ATP6V0A4: variants seen among roughly 807,000 people sequenced by gnomAD.
ATP6V0A4 encodes ATPase H+ transporting V0 subunit a4.
A neutral mutation model predicts 107.3 loss-of-function variants in ATP6V0A4; 86 were observed. That is an observed-to-expected ratio of 0.80 (90% CI 0.67 to 0.96). ATP6V0A4 has a LOEUF of 0.96. Ranked by LOEUF, ATP6V0A4 falls within the 40% of genes least tolerant of loss-of-function variation. The probability of loss-of-function intolerance (pLI) is 0.00; values close to 1 mark genes in which losing one functional copy is unlikely to be tolerated. For missense variants in ATP6V0A4, 908 were observed against 1,045.6 expected (o/e 0.87, Z 1.81); for synonymous variants, 353 against 381.4 (o/e 0.93, Z 0.87).
intron 11 of ATP6V0A4, among the ~76,000 whole-genome samples, chr7:138,752,002 G>A (rs184356802): frequency 1.3e-5 from 2 of 152,124 alleles, no homozygotes; most frequent in Admixed American, 6.5e-5. Flanking sequence ...GTCATAGCGA[G>A]GTCCCCATCT....
intron 15 of ATP6V0A4, among the ~76,000 whole-genome samples, chr7:138,737,137 T>C (rs1805377064): frequency 7.0e-6 from 1 of 142,700 alleles, no homozygotes; most frequent in Non-Finnish European, 1.5e-5. Flanking sequence ...TGATACAAAC[T>C]AACATAGGCA....
At chr7:138,762,170 C>A (rs112783370) in intron 7 of ATP6V0A4, among the ~76,000 whole-genome samples, 170 bp downstream of exon 7, 1 of 152,116 alleles carries the variant, frequency 6.6e-6, no homozygotes, top group Non-Finnish European at 1.5e-5. Flanking sequence ...GACACCACTT[C>A]CGACTCCACC....
At chr7:138,743,467 A>AG (rs1458408965) in intron 14 of ATP6V0A4, among the ~76,000 whole-genome samples, 1 of 150,360 alleles carries the variant, frequency 6.7e-6, no homozygotes, top group Non-Finnish European at 1.5e-5. Flanking sequence ...CAAAAAAAAA[A>AG]AAAGAAAAAG....
At chr7:138,772,397 T>TC (rs1355672266) in intron 2 of ATP6V0A4, among the ~76,000 whole-genome samples, 1 of 152,102 alleles carries the variant, frequency 6.6e-6, no homozygotes, top group Non-Finnish European at 1.5e-5. Flanking sequence ...CCCTGTGCAG[T>TC]CAGCAGGAAT....
chr7:138,778,647 A>C (rs1261494589), intron 2 of ATP6V0A4, among the ~76,000 whole-genome samples: 1 of 152,158 alleles, frequency 6.6e-6, no homozygotes, highest in Non-Finnish European at 1.5e-5. Context: ...GCCAAGAAAG[A>C]AAACTTTCAG....
intron 2 of ATP6V0A4, among the ~76,000 whole-genome samples, chr7:138,778,677 A>C (rs573055813): frequency 6.6e-6 from 1 of 152,304 alleles, no homozygotes; most frequent in East Asian, 1.9e-4. Flanking sequence ...ACGCGAATCC[A>C]GTTAAACGCC....
chr7:138,775,894 C>T (rs937881739), intron 2 of ATP6V0A4, among the ~76,000 whole-genome samples: 13 of 152,152 alleles, frequency 8.5e-5, no homozygotes, highest in Non-Finnish European at 1.8e-4. Flanking sequence ...TTGTGATCCA[C>T]CTGCCTCAGC....
intron 2 of ATP6V0A4, among the ~76,000 whole-genome samples, chr7:138,782,076 C>T (rs751530529): frequency 6.6e-6 from 1 of 152,156 alleles, no homozygotes; most frequent in Non-Finnish European, 1.5e-5. Flanking sequence ...TTTCCTAGGA[C>T]TGTGGTACCA....
intron 16 of ATP6V0A4, 116 bp from the exon 17 acceptor site, chr7:138,733,209 A>C: frequency 6.6e-7 from 1 of 1,506,490 alleles, no homozygotes; most frequent in Non-Finnish European, 8.9e-7. Flanking sequence ...TTTTTGCACT[A>C]CTGGCAAACA....
At chr7:138,757,973 C>T (rs1285423718) in intron 8 of ATP6V0A4, among the ~76,000 whole-genome samples, 6 of 152,160 alleles carry the variant, frequency 3.9e-5, no homozygotes, top group African/African-American at 2.4e-5. Context: ...TTTCTCTACC[C>T]GTGGAGTCTA....
chr7:138,780,169 TC>T (rs1195677572), intron 2 of ATP6V0A4: 2 of 152,192 alleles, frequency 1.3e-5, no homozygotes, highest in Non-Finnish European at 2.9e-5. Context: ...AAAGCAGCAA[TC>T]CCCAACCTTT....
At chr7:138,716,155 G>C (rs902124256) in intron 19 of ATP6V0A4, among the ~76,000 whole-genome samples, 1 of 152,234 alleles carries the variant, frequency 6.6e-6, no homozygotes, top group Non-Finnish European at 1.5e-5. Context: ...TGCCAGGAAG[G>C]CTGGGTAGGA....
intron 17 of ATP6V0A4, among the ~76,000 whole-genome samples, chr7:138,730,129 C>A (rs546193914): frequency 6.6e-6 from 1 of 152,300 alleles, no homozygotes; most frequent in Non-Finnish European, 1.5e-5. Flanking sequence ...CGTGATCCGC[C>A]CGCCTCGGCC....
intron 14 of ATP6V0A4, among the ~76,000 whole-genome samples, chr7:138,741,651 C>G (rs1032873857): frequency 6.6e-6 from 1 of 152,208 alleles, no homozygotes; most frequent in Non-Finnish European, 1.5e-5. Flanking sequence ...ACCCAACATC[C>G]CCGCCTCCTA....
intron 1 of ATP6V0A4, among the ~76,000 whole-genome samples, chr7:138,789,372 C>T (rs916410521): frequency 3.3e-5 from 5 of 151,990 alleles, no homozygotes; most frequent in Non-Finnish European, 4.4e-5. Context: ...CTCACCCTCC[C>T]GAGTAGCTGG....
chr7:138,765,781 TCTCA>T lies in ATP6V0A4; in HGVS notation c.292-2760_292-2757del, dbSNP rs1313083616. Among the ~76,000 whole-genome samples the T allele has an allele frequency of 7.9e-5, 12 of 151,430 alleles. 1 individual carries two copies. The South Asian group carries it at 2.5e-3, about 32-fold the overall frequency. On this transcript the variant is annotated intron_variant, in intron 5 of 21. Coordinates refer to ENST00000310018, the MANE Select transcript of ATP6V0A4 (RefSeq NM_020632.3). ...TTTTGTTTTTGTTTTTGAGAGAAGG[TCTCA>T]CTCTGTTGCCCAGGCTAGGGTGCAG...
intron 17 of ATP6V0A4, among the ~76,000 whole-genome samples, chr7:138,731,940 A>T (rs1805043552): frequency 6.8e-6 from 1 of 146,718 alleles, no homozygotes; most frequent in African/African-American, 2.6e-5. Context: ...AAATAAATAA[A>T]TAAAATATTA....
At chr7:138,779,093 C>T (rs1025640089) in intron 2 of ATP6V0A4, among the ~76,000 whole-genome samples, 2 of 152,150 alleles carry the variant, frequency 1.3e-5, no homozygotes, top group Non-Finnish European at 2.9e-5. Context: ...ATAATCCCAG[C>T]ATTTTGGGAG....
chr7:138,776,735 C>T (rs574428141), intron 2 of ATP6V0A4, among the ~76,000 whole-genome samples: 4 of 152,350 alleles, frequency 2.6e-5, no homozygotes, highest in African/African-American at 9.6e-5. Flanking sequence ...GAGGCTCCAG[C>T]CCAACTACTG....
Sources: allele counts gnomAD v4.1 joint callset (sites outside exome capture counted in the v4.1 genomes callset), GRCh38; gene constraint gnomAD v4.1.1; transcripts MANE v1.5; gene names NCBI Gene and HGNC (gene_info 2026-07-23, HGNC 2026-07-21).